Variants in STX8 observed in about 807,000 individuals in gnomAD.
The protein encoded by STX8 is syntaxin-8.
Under a neutral mutation model 37.5 loss-of-function variants are expected in STX8, and 23 were observed. The ratio of observed to expected loss-of-function variants is 0.61; its 90% CI spans 0.44 to 0.87. The LOEUF (loss-of-function observed/expected upper bound fraction) is 0.87. Among genes scored for constraint, STX8 ranks in the 40% least tolerant of loss-of-function variants. The pLI is 0.00. For synonymous variants in STX8, 115 were observed against 99.1 expected (o/e 1.16, Z -0.95); for missense variants, 313 against 284.7 (o/e 1.10, Z -0.71).
intron 2 of STX8, among the ~76,000 whole-genome samples, chr17:9,566,745 C>G (rs553602021): frequency 6.6e-6 from 1 of 152,076 alleles, no homozygotes; most frequent in East Asian, 1.9e-4. Context: ...CGAGATTGCA[C>G]CACTGCACTC....
intron 6 of STX8, among the ~76,000 whole-genome samples, chr17:9,462,005 G>C (rs1162040804): frequency 2.6e-5 from 4 of 152,110 alleles, no homozygotes; most frequent in Non-Finnish European, 5.9e-5. Context: ...AGCTCAGGCG[G>C]TAATGCAAGC....
intron 7 of STX8, among the ~76,000 whole-genome samples, chr17:9,318,774 C>A (rs1362121696): frequency 2.0e-5 from 3 of 152,114 alleles, no homozygotes; most frequent in Non-Finnish European, 4.4e-5. Context: ...ATAAGGCATA[C>A]CACTCTTGCC....
In STX8 at chr17:9,494,481, G is replaced by A. The variant is rs897234898; in HGVS notation, c.449-2560C>T. 1.3e-4 allele frequency among the ~76,000 whole-genome samples: 19 copies of A among 151,460 alleles called. No homozygotes were observed. The East Asian group carries it at 3.5e-3, about 28-fold the overall frequency. On this transcript the variant is annotated intron_variant, in intron 5 of 7. Coordinates refer to ENST00000306357, the MANE Select transcript of STX8 (RefSeq NM_004853.3). ...CTACTAAAAATACAAACATTATCTG[G>A]GTGTGGTGGCGCATGCCTATAGTCC... is the stretch of plus-strand genomic sequence containing the variant.
Position 9,468,051 on chromosome 17 carries a change from T to C in STX8, c.541+23778A>G, listed in dbSNP as rs190555043. 1.3e-5 allele frequency among the ~76,000 whole-genome samples: 2 copies of C among 152,324 alleles called. 1 individual carries two copies. The highest frequency in any genetic ancestry group is 3.9e-4 in the East Asian group (2 of 5,190). Reference sequence around the variant, plus strand: ...AAGACACAATATTACACATTTTAAATGTAACACAGCTATGGTTAGAAATAG... The same window carrying C: ...AAGACACAATATTACACATTTTAAACGTAACACAGCTATGGTTAGAAATAG... On this transcript the variant is annotated intron_variant, in intron 6 of 7. Coordinates refer to ENST00000306357, the MANE Select transcript of STX8 (RefSeq NM_004853.3).
chr17:9,352,484 T>C (rs2142247269), intron 7 of STX8, among the ~76,000 whole-genome samples: 1 of 149,046 alleles, frequency 6.7e-6, no homozygotes. Context: ...TTTTTTTTTT[T>C]TGAGACGGAG....
chr17:9,414,096 A>ACCCACCTACCCATCTG, intron 6 of STX8, among the ~76,000 whole-genome samples: 1 of 6,472 alleles, frequency 1.5e-4, no homozygotes, highest in East Asian at 3.8e-3. Context: ...CCATCCATCC[A>ACCCACCTACCCATCTG]TCCATCCATC....
intron 3 of STX8, chr17:9,556,768 T>TATATATATATATAC (rs1567608996): frequency 1.6e-5 from 1 of 61,032 alleles, no homozygotes; most frequent in Admixed American, 2.0e-4. Flanking sequence ...TATATATATA[T>TATATATATATATAC]ATATATATAT....
rs531085070 is a variant in STX8 at position 9,270,540 on chromosome 17, A to C, written c.644-19895T>G. Among the ~76,000 whole-genome samples, 7 of 152,138 alleles carry C rather than the reference A, an allele frequency of 4.6e-5. No individual in the cohort carries two copies. The East Asian group carries it at 5.8e-4, about 13-fold the overall frequency. On this transcript the variant is annotated intron_variant, in intron 7 of 7. Coordinates refer to ENST00000306357, the MANE Select transcript of STX8 (RefSeq NM_004853.3). Reference sequence around the variant, plus strand: ...AAGTGCTGGGATTACAGGCGTGAGCAACCGTGCCCAGTCTCAAAGGACTTT... The same window carrying C: ...AAGTGCTGGGATTACAGGCGTGAGCCACCGTGCCCAGTCTCAAAGGACTTT...
chr17:9,491,988 C>T (rs1906871892), intron 5 of STX8, 67 bp from the exon 6 acceptor site: 1 of 1,113,462 alleles, frequency 9.0e-7, no homozygotes, highest in Non-Finnish European at 1.3e-6. Flanking sequence ...CATAAGTATA[C>T]CCAGGCATAT....
intron 6 of STX8, among the ~76,000 whole-genome samples, chr17:9,404,102 A>C (rs985128773): frequency 1.3e-5 from 2 of 152,220 alleles, no homozygotes; most frequent in African/African-American, 4.8e-5. Flanking sequence ...AGAAAAGGAA[A>C]TATTCAGAAA....
At chr17:9,415,411 A>C (rs767858842) in intron 6 of STX8, among the ~76,000 whole-genome samples, 1 of 152,096 alleles carries the variant, frequency 6.6e-6, no homozygotes, top group Non-Finnish European at 1.5e-5. Flanking sequence ...AAGGTCCTAG[A>C]ACCTGGCTTC....
chr17:9,524,044 C>A (rs137943532), intron 4 of STX8, among the ~76,000 whole-genome samples: 13 of 152,356 alleles, frequency 8.5e-5, no homozygotes, highest in African/African-American at 2.9e-4. Context: ...TGGACACCCA[C>A]ATTTTCAATT....
rs754945854 is a variant in STX8, at chr17:9,568,423, T to C, written c.65A>G (p.Glu22Gly). 6.8e-6 allele frequency: 11 copies of C among 1,612,818 alleles called. No individual in the cohort carries two copies. In the South Asian group the frequency reaches 1.2e-4, roughly 18 times the overall value. Residue 22 changes from glutamate to glycine, a missense_variant, in exon 2 of 8, where the codon GAG (glutamate) becomes GGG (glycine). Glu to Gly is a moderately conservative substitution (Grantham distance 98, BLOSUM62 -2). Coordinates refer to ENST00000306357, the MANE Select transcript of STX8 (RefSeq NM_004853.3). ...STCQIAQEIA[E>G]KIQQRNQYER... is the part of the protein sequence containing the mutation. Reference sequence around the variant, plus strand: ...ATATTGATTTCGTTGTTGAATTTTCTCAGCAATTTCTTGGGCAATTTGACA... The same window carrying C: ...ATATTGATTTCGTTGTTGAATTTTCCCAGCAATTTCTTGGGCAATTTGACA...
chr17:9,413,724 A>G (rs1369223048), intron 6 of STX8, among the ~76,000 whole-genome samples: 1 of 152,174 alleles, frequency 6.6e-6, no homozygotes, highest in South Asian at 2.1e-4. Context: ...AAGCCAGAGA[A>G]CAAGGGCTTC....
At chr17:9,271,120 C>T (rs957256600) in intron 7 of STX8, among the ~76,000 whole-genome samples, 1 of 152,192 alleles carries the variant, frequency 6.6e-6, no homozygotes, top group Non-Finnish European at 1.5e-5. Context: ...CACAGTGTGA[C>T]GTGGGACCAG....
chr17:9,498,044 C>G (rs887955883), intron 5 of STX8, among the ~76,000 whole-genome samples: 1 of 152,048 alleles, frequency 6.6e-6, no homozygotes, highest in Non-Finnish European at 1.5e-5. Context: ...TCACATTTAA[C>G]ATACAGAAGG....
intron 4 of STX8, among the ~76,000 whole-genome samples, chr17:9,535,842 T>C (rs1043662011): frequency 6.6e-6 from 1 of 152,190 alleles, no homozygotes; most frequent in Non-Finnish European, 1.5e-5. Flanking sequence ...CTCGCATATA[T>C]ATAAGAGCCT....
chr17:9,503,811 G>A (rs1904715793), intron 5 of STX8, among the ~76,000 whole-genome samples: 1 of 152,134 alleles, frequency 6.6e-6, no homozygotes. Flanking sequence ...TGCACAGGCT[G>A]GAGTGCAGTG....
chr17:9,360,378 T>G lies in STX8; in HGVS notation c.643+18174A>C, dbSNP rs1002297187. Among the ~76,000 whole-genome samples, 31 of 151,442 alleles carry G rather than the reference T, an allele frequency of 2.0e-4. 1 individual carries two copies. The East Asian group carries it at 4.1e-3, about 20-fold the overall frequency. ...GCCTCCCGAGTAGCTGGGATTACAG[T>G]CGTGCACCACCACGCCCAGCTCATT... On this transcript the variant is annotated intron_variant, in intron 7 of 7. Transcript: ENST00000306357.
Sources: gnomAD v4.1 joint callset for allele counts (sites outside exome capture counted in the v4.1 genomes callset) on GRCh38, gnomAD v4.1.1 for gene constraint, MANE v1.5 for transcripts, NCBI Gene and HGNC (gene_info 2026-07-23, HGNC 2026-07-21) for gene names.